KIAA0319L: variants seen among roughly 807,000 people sequenced by gnomAD.
KIAA0319L encodes KIAA0319 like, also known as dyslexia-associated protein KIAA0319-like protein.
KIAA0319L carries 55 observed loss-of-function variants against 120.1 expected under a neutral mutation model. The observed-to-expected ratio is 0.46, with a 90% CI of 0.37 to 0.57. KIAA0319L has a LOEUF of 0.57. KIAA0319L is among the 20% of genes least tolerant of loss of function. The probability of loss-of-function intolerance (pLI) is 0.00; values close to 1 mark genes in which losing one functional copy is unlikely to be tolerated. For synonymous variants in KIAA0319L, 398 were observed against 471.9 expected, an observed-to-expected ratio of 0.84 and a Z score of 2.03; for missense variants, 1,049 against 1,255.3, an observed-to-expected ratio of 0.84 and a Z score of 2.48.
intron 20 of KIAA0319L, among the ~76,000 whole-genome samples, chr1:35,436,759 G>C (rs1640820974): frequency 6.6e-6 from 1 of 152,144 alleles, no homozygotes; most frequent in African/African-American, 2.4e-5. Flanking sequence ...CACTTACCAG[G>C]TGGCACTGCT....
chr1:35,470,583 A>G (rs1643564433), intron 6 of KIAA0319L, among the ~76,000 whole-genome samples: 1 of 151,898 alleles, frequency 6.6e-6, no homozygotes, highest in Non-Finnish European at 1.5e-5. Context: ...CAAATAACCT[A>G]GCTTATCCCA....
chr1:35,461,953 AG>A (rs1469325692), intron 8 of KIAA0319L, among the ~76,000 whole-genome samples: 1 of 152,168 alleles, frequency 6.6e-6, no homozygotes, highest in Non-Finnish European at 1.5e-5. Flanking sequence ...GTCAGGGTAA[AG>A]GACCTTAACC....
At chr1:35,471,002 A>G (rs373205956) in intron 5 of KIAA0319L, 42 bp from the exon 6 acceptor site, 47 of 1,108,780 alleles carry the variant, frequency 4.2e-5, no homozygotes, top group Non-Finnish European at 6.1e-5. Context: ...ACACACACCA[A>G]CACACAAAGA....
In KIAA0319L at chr1:35,478,474, C is replaced by T. The variant is rs114080242; in HGVS notation, c.913+492G>A. ...TTGAAGGGATGGATACTCTATTTTA[C>T]ATGATGTGATTATTACACATTGCAT... On this transcript the variant is annotated intron_variant, in intron 4 of 20. Transcript: ENST00000325722. 6.0e-3 allele frequency among the ~76,000 whole-genome samples: 913 copies of T among 152,266 alleles called. 10 individuals carry two copies. Among genetic ancestry groups the T allele is most frequent in the African/African-American group, 0.021 (869 of 41,546 alleles).
At chr1:35,439,302 C>A (rs950961076) in intron 20 of KIAA0319L, 1 of 152,236 alleles carries the variant, frequency 6.6e-6, no homozygotes, top group Non-Finnish European at 1.5e-5. Flanking sequence ...TTATCCAGGT[C>A]TCAGCTTAAG....
intron 3 of KIAA0319L, among the ~76,000 whole-genome samples, chr1:35,485,104 A>G (rs1203138): frequency 0.92 from 139,346 of 151,818 alleles, 64,073 homozygotes; most frequent in East Asian, 1. Flanking sequence ...AGCATGGGTT[A>G]CACCTTCCTG....
rs1289006360 is a variant in KIAA0319L, at chr1:35,448,199, T to C, written c.2487A>G (p.Gln829=). 12 of 1,613,832 alleles carry C rather than the reference T, an allele frequency of 7.4e-6. No individual in the cohort carries two copies. The South Asian group carries it at 7.7e-5, about 10-fold the overall frequency. The part of the protein sequence containing the change: ...LGVLDSDIIV[Q]KIQPYTEQST... ...TCTGCTCCGTGTACGGCTGAATCTT[T>C]TGCACAATGATGTCGGAATCCAGCA... Residue 829 remains glutamine (Q), a synonymous_variant, in exon 16 of 21, where the codon CAA becomes CAG. Coordinates refer to ENST00000325722, the MANE Select transcript of KIAA0319L (RefSeq NM_024874.5).
In KIAA0319L at chr1:35,545,051, G is replaced by A. The variant is rs77880012; in HGVS notation, c.142+9299C>T. Among the ~76,000 whole-genome samples, 1,454 of 152,296 alleles carry A rather than the reference G, an allele frequency of 9.5e-3. 31 individuals are homozygous for A. Among genetic ancestry groups the A allele is most frequent in the African/African-American group, 0.033 (1,384 of 41,546 alleles). On this transcript the variant is annotated intron_variant, in intron 2 of 20. Transcript: ENST00000325722. ...GAAGGTGAGGGGTAAGAATTTGAGAGGAAGGAGCTGTGAAGAAAGGGGGCC... is the reference window on the plus strand; with the variant it reads ...GAAGGTGAGGGGTAAGAATTTGAGAAGAAGGAGCTGTGAAGAAAGGGGGCC...
At chr1:35,507,917 T>C (rs1405631302) in intron 2 of KIAA0319L, among the ~76,000 whole-genome samples, 1 of 152,232 alleles carries the variant, frequency 6.6e-6, no homozygotes, top group African/African-American at 2.4e-5. Context: ...ATGTTGCTGA[T>C]GGATAAACTT....
At chr1:35,538,022 C>T (rs1190642489) in intron 2 of KIAA0319L, among the ~76,000 whole-genome samples, 1 of 152,108 alleles carries the variant, frequency 6.6e-6, no homozygotes, top group Non-Finnish European at 1.5e-5. Flanking sequence ...TAGAACATCC[C>T]ATGTCTTACC....
At chr1:35,553,372 T>C (rs1193412959) in intron 2 of KIAA0319L, among the ~76,000 whole-genome samples, 1 of 147,198 alleles carries the variant, frequency 6.8e-6, no homozygotes. Context: ...AAAAAAACCA[T>C]GTAGATCAGC....
chr1:35,447,087 ATTTCT>A (rs1641678389), intron 16 of KIAA0319L, among the ~76,000 whole-genome samples: 1 of 151,984 alleles, frequency 6.6e-6, no homozygotes, highest in Non-Finnish European at 1.5e-5. Flanking sequence ...TTACCACTGA[ATTTCT>A]TTTAATTTCT....
intron 3 of KIAA0319L, among the ~76,000 whole-genome samples, chr1:35,482,460 G>A (rs867890796): frequency 2.4e-4 from 33 of 138,874 alleles, no homozygotes; most frequent in African/African-American, 6.5e-4. Context: ...ATGGAGTTTC[G>A]CTCTTGTTGC....
At chr1:35,540,958 T>C (rs992299620) in intron 2 of KIAA0319L, among the ~76,000 whole-genome samples, 23 of 152,078 alleles carry the variant, frequency 1.5e-4, no homozygotes, top group Non-Finnish European at 2.5e-4. Context: ...CTTTTTTTTT[T>C]CTTGAGACAG....
At chr1:35,527,037 G>T (rs2148458867) in intron 2 of KIAA0319L, among the ~76,000 whole-genome samples, 2 of 152,302 alleles carry the variant, frequency 1.3e-5, no homozygotes, top group Middle Eastern at 6.8e-3. Context: ...TGCCTAACTT[G>T]TTGGGCATTT....
At chr1:35,467,604 G>C (rs913516994) in intron 6 of KIAA0319L, among the ~76,000 whole-genome samples, 1 of 152,032 alleles carries the variant, frequency 6.6e-6, no homozygotes, top group Non-Finnish European at 1.5e-5. Context: ...CAAAGTTCTA[G>C]CTAAAATCAA....
intron 5 of KIAA0319L, among the ~76,000 whole-genome samples, chr1:35,471,323 C>CTTGCAAAACTTCTT (rs939681596): frequency 1.3e-5 from 2 of 151,764 alleles, no homozygotes; most frequent in African/African-American, 4.8e-5. Flanking sequence ...AGGCCATTTT[C>CTTGCAAAACTTCTT]TTGCAAAACT....
intron 2 of KIAA0319L, 94 bp downstream of exon 2, chr1:35,554,256 C>T (rs1647594509): frequency 3.4e-6 from 3 of 886,750 alleles, no homozygotes; most frequent in Non-Finnish European, 4.7e-6. Context: ...ATTGTTTTTT[C>T]TGCCTCCTAA....
intron 2 of KIAA0319L, chr1:35,510,338 C>G (rs983015190): frequency 6.6e-6 from 1 of 151,476 alleles, no homozygotes; most frequent in Non-Finnish European, 1.5e-5. Context: ...GAGAGAAATA[C>G]CAATAAACGT....
Sources: allele counts gnomAD v4.1 joint callset (sites outside exome capture counted in the v4.1 genomes callset), GRCh38; gene constraint gnomAD v4.1.1; transcripts MANE v1.5; gene names NCBI Gene and HGNC (gene_info 2026-07-23, HGNC 2026-07-21).